The following SRGAP3 variants were observed in gnomAD, a reference collection of about 807,000 sequenced individuals.
The protein encoded by SRGAP3 is SLIT-ROBO Rho GTPase activating protein 3.
SRGAP3 carries 39 observed loss-of-function variants against 121.1 expected under a neutral mutation model. The observed-to-expected ratio is 0.32, with a 90% CI of 0.25 to 0.42. SRGAP3 has a LOEUF of 0.42. Ranked by LOEUF, SRGAP3 falls within the 10% of genes least tolerant of loss-of-function variation. The probability of loss-of-function intolerance (pLI) is 1.00; values close to 1 mark genes in which losing one functional copy is unlikely to be tolerated. For missense variants in SRGAP3, 1,213 were observed against 1,470.6 expected (o/e 0.82, Z 2.86); for synonymous variants, 601 against 570.0 (o/e 1.05, Z -0.77).
At chr3:9,196,940 T>C (rs115044180) in intron 1 of SRGAP3, among the ~76,000 whole-genome samples, 1,633 of 152,324 alleles carry the variant, frequency 0.011, 14 homozygotes, top group Middle Eastern at 0.037. Flanking sequence ...ATGATTTCCA[T>C]TTTAAAGAAG....
chr3:9,243,624 G>A (rs1480944181), intron 1 of SRGAP3, among the ~76,000 whole-genome samples: 3 of 142,452 alleles, frequency 2.1e-5, no homozygotes, highest in Non-Finnish European at 4.6e-5. Context: ...GACAGAGAGA[G>A]ACTCTGTCTT....
At chr3:9,136,344 C>A (rs939139076) in intron 1 of SRGAP3, among the ~76,000 whole-genome samples, 1 of 151,630 alleles carries the variant, frequency 6.6e-6, no homozygotes, top group South Asian at 2.1e-4. Flanking sequence ...CAGCAGATGC[C>A]GGGCCGGGGT....
upstream of SRGAP3, among the ~76,000 whole-genome samples, chr3:9,252,928 TG>T (rs1261673627): frequency 7.2e-5 from 11 of 152,230 alleles, no homozygotes; most frequent in Non-Finnish European, 1.3e-4. Flanking sequence ...GAAAAGCCCC[TG>T]GAAGTGTTTA....
At chr3:9,157,365 C>T (rs1485349130) in intron 1 of SRGAP3, among the ~76,000 whole-genome samples, 2 of 152,182 alleles carry the variant, frequency 1.3e-5, no homozygotes, top group Non-Finnish European at 1.5e-5. Context: ...ATCCAATCAC[C>T]TCCCACCAGG....
intron 3 of SRGAP3, among the ~76,000 whole-genome samples, chr3:9,278,938 T>C (rs1954630366): frequency 6.6e-6 from 1 of 152,304 alleles, no homozygotes; most frequent in African/African-American, 2.4e-5. Flanking sequence ...CTCTTTTAAA[T>C]AGTAGCCCCC....
intron 1 of SRGAP3, among the ~76,000 whole-genome samples, chr3:9,347,294 G>A (rs747411974): frequency 6.6e-6 from 1 of 152,174 alleles, no homozygotes; most frequent in Non-Finnish European, 1.5e-5. Flanking sequence ...CAAAGTTGCT[G>A]GGACCACAGG....
chr3:8,998,169 G>A (rs998490597), intron 18 of SRGAP3, among the ~76,000 whole-genome samples: 4 of 152,174 alleles, frequency 2.6e-5, no homozygotes, highest in South Asian at 2.1e-4. Flanking sequence ...GATTACAGGC[G>A]TGAGCCACCA....
At chr3:9,056,494 G>A (rs982583191) in intron 7 of SRGAP3, among the ~76,000 whole-genome samples, 160 bp from the exon 8 acceptor site, 11 of 152,214 alleles carry the variant, frequency 7.2e-5, no homozygotes, top group Admixed American at 3.3e-4. Flanking sequence ...ATAAGTGGCC[G>A]TGGCAACCAA....
chr3:9,348,671 G>A (rs1197852985), intron 1 of SRGAP3: 11 of 1,085,842 alleles, frequency 1.0e-5, no homozygotes, highest in East Asian at 2.4e-5. Context: ...TTGATCAGAC[G>A]TGGCTGCCAG....
chr3:9,169,032 G>C (rs551181325), intron 1 of SRGAP3, among the ~76,000 whole-genome samples: 53 of 152,322 alleles, frequency 3.5e-4, no homozygotes, highest in African/African-American at 1.3e-3. Flanking sequence ...CCCTTGTGCA[G>C]TGCATGGCCA....
intron 1 of SRGAP3, among the ~76,000 whole-genome samples, chr3:9,223,582 T>C (rs867566119): frequency 1.3e-5 from 2 of 152,132 alleles, no homozygotes; most frequent in African/African-American, 4.8e-5. Flanking sequence ...AGATACTCAG[T>C]CCAACTCCAC....
chr3:9,244,791 T>C (rs1484332633), intron 1 of SRGAP3, among the ~76,000 whole-genome samples: 1 of 152,180 alleles, frequency 6.6e-6, no homozygotes, highest in Non-Finnish European at 1.5e-5. Flanking sequence ...TATGAGCACC[T>C]AGGACAGGAA....
At chr3:9,108,427 G>T (rs191029382) in intron 2 of SRGAP3, among the ~76,000 whole-genome samples, 1 of 152,106 alleles carries the variant, frequency 6.6e-6, no homozygotes, top group African/African-American at 2.4e-5. Flanking sequence ...AGACCAGCCT[G>T]GGCAACATAG....
chr3:9,297,130 T>G (rs1227056060), intron 3 of SRGAP3, among the ~76,000 whole-genome samples: 1 of 152,188 alleles, frequency 6.6e-6, no homozygotes, highest in East Asian at 1.9e-4. Flanking sequence ...AGCAAATCCC[T>G]GCTGCCTTTC....
At position 9,070,913 on chromosome 3, in the gene SRGAP3, G is replaced by A. The variant is rs1473384304; in HGVS notation, c.487-6332C>T. ...TTACACAAGTGATGATCACATGGTG[G>A]GATAAGTACAATGATGAAGGACGTA... On this transcript the variant is annotated intron_variant, in intron 4 of 21. Coordinates refer to ENST00000383836, the MANE Select transcript of SRGAP3 (RefSeq NM_014850.4). 2.0e-5 allele frequency among the ~76,000 whole-genome samples: 3 copies of A among 152,132 alleles called. No homozygotes were observed. The East Asian group carries it at 5.8e-4, about 29-fold the overall frequency.
intron 1 of SRGAP3, among the ~76,000 whole-genome samples, chr3:9,151,429 G>A (rs1950206321): frequency 1.3e-5 from 2 of 152,214 alleles, no homozygotes; most frequent in African/African-American, 4.8e-5. Context: ...GCCCAGAGAA[G>A]AGGTTGAACT....
At chr3:9,136,181 CCTT>C (rs1482150701) in intron 1 of SRGAP3, among the ~76,000 whole-genome samples, 1 of 152,170 alleles carries the variant, frequency 6.6e-6, no homozygotes. Flanking sequence ...ACGTTTCGCT[CCTT>C]CTCTAGGCCC....
intron 14 of SRGAP3, among the ~76,000 whole-genome samples, chr3:9,016,590 T>C (rs1344896166): frequency 6.6e-6 from 1 of 152,204 alleles, no homozygotes; most frequent in Non-Finnish European, 1.5e-5. Context: ...GATCTCTACA[T>C]TATAAAGGTA....
intron 9 of SRGAP3, among the ~76,000 whole-genome samples, chr3:9,052,704 G>A (rs1415528617): frequency 1.3e-5 from 2 of 152,124 alleles, no homozygotes; most frequent in Admixed American, 1.3e-4. Flanking sequence ...TAATTTCAAG[G>A]TTGTTCCTTG....
Sources: gnomAD v4.1 joint callset for allele counts (sites outside exome capture counted in the v4.1 genomes callset) on GRCh38, gnomAD v4.1.1 for gene constraint, MANE v1.5 for transcripts, NCBI Gene and HGNC (gene_info 2026-07-23, HGNC 2026-07-21) for gene names.